STXBP5L: variants seen among roughly 807,000 people sequenced by gnomAD.
The protein encoded by STXBP5L is syntaxin-binding protein 5-like.
STXBP5L carries 65 observed loss-of-function variants against 144.5 expected under a neutral mutation model. The ratio of observed to expected loss-of-function variants is 0.45; its 90% CI spans 0.37 to 0.55. The LOEUF is 0.55. STXBP5L is among the 20% of genes least tolerant of loss of function. The pLI, the probability that STXBP5L is intolerant of heterozygous loss-of-function variation, is 0.00. For synonymous variants in STXBP5L, 505 were observed against 469.6 expected, an observed-to-expected ratio of 1.08 and a Z score of -0.97; for missense variants, 1,298 against 1,405.5, an observed-to-expected ratio of 0.92 and a Z score of 1.22.
chr3:121,178,963 G>C (rs181076087), intron 9 of STXBP5L, among the ~76,000 whole-genome samples: 1 of 152,050 alleles, frequency 6.6e-6, no homozygotes, highest in East Asian at 1.9e-4. Flanking sequence ...AAGAATCTGT[G>C]GCACAAATGG....
In STXBP5L at chr3:121,183,186, A is replaced by G. The variant is rs1002606601; in HGVS notation, c.878-22737A>G. Among the ~76,000 whole-genome samples, 4 of 152,244 alleles carry G rather than the reference A, an allele frequency of 2.6e-5. No homozygotes were observed. The South Asian group carries it at 6.2e-4, about 24-fold the overall frequency. ...CTAAGACAAACCCACAGTCAACGTC[A>G]TACTGAATAGGGAAAAGATGAAAGC... On this transcript the variant is annotated intron_variant, in intron 9 of 26. Transcript: ENST00000471454.
Position 121,346,127 on chromosome 3 carries a change from C to A in STXBP5L, c.2176+27587C>A, listed in dbSNP as rs371527889. On this transcript the variant is annotated intron_variant, in intron 20 of 26. Coordinates refer to ENST00000471454, the MANE Select transcript of STXBP5L (RefSeq NM_001308330.2). ...CCCTCCCCCGACCCCACAACAGGCC[C>A]CAGGGTGTGATGTTTCCCTTCCTGT... is the stretch of plus-strand genomic sequence containing the variant. Among the ~76,000 whole-genome samples the A allele has an allele frequency of 4.7e-5, 7 of 148,746 alleles. No homozygotes were observed. In the East Asian group the frequency reaches 1.4e-3, roughly 30 times the overall value.
At chr3:120,957,777 A>G (rs1165773944) in intron 3 of STXBP5L, among the ~76,000 whole-genome samples, 1 of 152,172 alleles carries the variant, frequency 6.6e-6, no homozygotes, top group African/African-American at 2.4e-5. Context: ...AGGGAAATTT[A>G]TAGCACTAAA....
At chr3:121,302,096 G>C (rs186590961) in intron 19 of STXBP5L, among the ~76,000 whole-genome samples, 1 of 152,100 alleles carries the variant, frequency 6.6e-6, no homozygotes, top group Non-Finnish European at 1.5e-5. Context: ...TTTTTCTATT[G>C]ATTGGAATAG....
At chr3:121,398,192 T>G (rs2046780720) in intron 22 of STXBP5L, among the ~76,000 whole-genome samples, 1 of 152,272 alleles carries the variant, frequency 6.6e-6, no homozygotes, top group South Asian at 2.1e-4. Flanking sequence ...CATTGTAATC[T>G]GAGTCAGTGA....
intron 11 of STXBP5L, 37 bp downstream of exon 11, chr3:121,223,194 C>A: frequency 1.9e-6 from 3 of 1,551,504 alleles, no homozygotes; most frequent in Admixed American, 2.1e-5. Flanking sequence ...TGTTGAAAAT[C>A]ATTTTGGAAA....
intron 2 of STXBP5L, among the ~76,000 whole-genome samples, chr3:120,913,186 C>T (rs995998635): frequency 1.3e-5 from 2 of 151,946 alleles, no homozygotes; most frequent in African/African-American, 2.4e-5. Context: ...CTGTCACTGC[C>T]GTTATACTAT....
At chr3:121,415,250 A>C (rs1313802780) in intron 24 of STXBP5L, among the ~76,000 whole-genome samples, 1 of 152,158 alleles carries the variant, frequency 6.6e-6, no homozygotes, top group Non-Finnish European at 1.5e-5. Flanking sequence ...ATCTATGTAG[A>C]GTCTGATTTC....
At chr3:121,294,953 T>C (rs903896233) in intron 19 of STXBP5L, among the ~76,000 whole-genome samples, 2 of 151,992 alleles carry the variant, frequency 1.3e-5, no homozygotes, top group African/African-American at 4.8e-5. Flanking sequence ...AGCAATGAAA[T>C]AGAAGCCAAA....
At chr3:120,988,466 C>G (rs1490145517) in intron 3 of STXBP5L, among the ~76,000 whole-genome samples, 1 of 151,916 alleles carries the variant, frequency 6.6e-6, no homozygotes, top group Admixed American at 6.6e-5. Flanking sequence ...AAAAAACACT[C>G]TGCTTCACCT....
chr3:120,970,602 T>C (rs1362187602), intron 3 of STXBP5L, among the ~76,000 whole-genome samples: 2 of 152,264 alleles, frequency 1.3e-5, no homozygotes, highest in African/African-American at 4.8e-5. Flanking sequence ...TTGAGTATCC[T>C]GTCTTTTCAT....
intron 7 of STXBP5L, among the ~76,000 whole-genome samples, chr3:121,123,754 C>G (rs2044580459): frequency 6.6e-6 from 1 of 151,678 alleles, no homozygotes; most frequent in African/African-American, 2.4e-5. Flanking sequence ...CATCAGAAAA[C>G]TATAGGTTTG....
intron 7 of STXBP5L, among the ~76,000 whole-genome samples, chr3:121,150,142 T>C (rs1473640905): frequency 6.6e-6 from 1 of 152,126 alleles, no homozygotes; most frequent in Admixed American, 6.6e-5. Context: ...ATCTACAATT[T>C]TGATTTTTTG....
At chr3:121,077,470 T>G (rs1325973548) in intron 5 of STXBP5L, among the ~76,000 whole-genome samples, 1 of 152,164 alleles carries the variant, frequency 6.6e-6, no homozygotes, top group Non-Finnish European at 1.5e-5. Context: ...GCTGCAGACC[T>G]TCACGGTGAG....
chr3:121,173,558 A>AAC (rs2046816472), intron 9 of STXBP5L, among the ~76,000 whole-genome samples: 1 of 152,042 alleles, frequency 6.6e-6, no homozygotes, highest in Non-Finnish European at 1.5e-5. Flanking sequence ...CCAAAAACTT[A>AAC]ACAACTAATA....
intron 18 of STXBP5L, among the ~76,000 whole-genome samples, chr3:121,264,751 A>C (rs2050500274): frequency 6.6e-6 from 1 of 151,722 alleles, no homozygotes; most frequent in East Asian, 1.9e-4. Flanking sequence ...GCAAAGACAC[A>C]CATAGGCTCA....
Position 121,130,487 on chromosome 3 carries a change from C to A in STXBP5L, c.669+8783C>A, listed in dbSNP as rs546510980. On this transcript the variant is annotated intron_variant, in intron 7 of 26. Coordinates refer to ENST00000471454, the MANE Select transcript of STXBP5L (RefSeq NM_001308330.2). ...TTCCATCTGTTGCAAAAATGCCTCC[C>A]TCTTGACCTACATATATAATCTTAT... Among the ~76,000 whole-genome samples the A allele has an allele frequency of 5.8e-4, 88 of 152,188 alleles. 1 individual carries two copies. Among genetic ancestry groups the A allele is most frequent in the African/African-American group, 2.0e-3 (84 of 41,576 alleles).
intron 2 of STXBP5L, among the ~76,000 whole-genome samples, chr3:120,925,887 A>G (rs563073055): frequency 6.6e-6 from 1 of 152,350 alleles, no homozygotes; most frequent in South Asian, 2.1e-4. Context: ...GAAAGAGATG[A>G]CAACTTATAT....
chr3:121,121,723 T>A lies in STXBP5L; in HGVS notation c.669+19T>A. ...AGGCAAAGTGAGTATTATGATATCTTTATTATTAGTTTTATTTTCCTCATT... is the reference window on the plus strand; with the variant it reads ...AGGCAAAGTGAGTATTATGATATCTATATTATTAGTTTTATTTTCCTCATT... On this transcript the variant is annotated intron_variant, in intron 7 of 26. Transcript: ENST00000471454. 1 of 1,548,054 alleles carries A rather than the reference T, an allele frequency of 6.5e-7. No individual in the cohort carries two copies. Among genetic ancestry groups the A allele is most frequent in the Non-Finnish European group, 8.9e-7 (1 of 1,126,038 alleles).
Sources: gnomAD v4.1 joint callset for allele counts (sites outside exome capture counted in the v4.1 genomes callset) on GRCh38, gnomAD v4.1.1 for gene constraint, MANE v1.5 for transcripts, NCBI Gene and HGNC (gene_info 2026-07-23, HGNC 2026-07-21) for gene names.